Variants in OSTF1 observed in about 807,000 individuals in gnomAD.
OSTF1 encodes the protein osteoclast-stimulating factor 1.
OSTF1 carries 27 observed loss-of-function variants against 37.2 expected under a neutral mutation model. The ratio of observed to expected loss-of-function variants is 0.73; its 90% CI spans 0.54 to 1.00. OSTF1 has a LOEUF of 1.00. Ranked by LOEUF, OSTF1 falls within the 50% of genes least tolerant of loss-of-function variation. The probability of loss-of-function intolerance (pLI) is 0.00; values close to 1 mark genes in which losing one functional copy is unlikely to be tolerated. For synonymous variants in OSTF1, 82 were observed against 89.2 expected (o/e 0.92, Z 0.46); for missense variants, 232 against 253.8 (o/e 0.91, Z 0.58).
Position 75,131,764 on chromosome 9 carries a change from A to G in OSTF1, c.197-6A>G, listed in dbSNP as rs755417873. 1.2e-5 allele frequency: 19 copies of G among 1,612,204 alleles called. No homozygotes were observed. Among genetic ancestry groups the G allele is most frequent in the South Asian group, 2.2e-5 (2 of 91,034 alleles). Reference sequence around the variant, plus strand: ...ATTGGGTTAACACTTTTTATTTTCAATCTAGTGGCTGAGCAGGCAGAATCC... The same window carrying G: ...ATTGGGTTAACACTTTTTATTTTCAGTCTAGTGGCTGAGCAGGCAGAATCC... On this transcript the variant is annotated splice_region_variant and splice_polypyrimidine_tract_variant and intron_variant, in intron 4 of 9. Transcript: ENST00000346234.
chr9:75,131,509 GT>G (rs1825760793), intron 4 of OSTF1, among the ~76,000 whole-genome samples: 1 of 152,136 alleles, frequency 6.6e-6, no homozygotes, highest in South Asian at 2.1e-4. Flanking sequence ...GGGTTTGTTT[GT>G]TTTTGTTTAT....
chr9:75,100,151 A>G (rs1309707410), intron 1 of OSTF1, among the ~76,000 whole-genome samples: 1 of 152,224 alleles, frequency 6.6e-6, no homozygotes, highest in African/African-American at 2.4e-5. Flanking sequence ...TACAATTTAA[A>G]TGACCACTGC....
chr9:75,133,015 C>CG (rs1825788485), intron 5 of OSTF1, among the ~76,000 whole-genome samples: 1 of 140,550 alleles, frequency 7.1e-6, no homozygotes, highest in Non-Finnish European at 1.6e-5. Flanking sequence ...ACACACACCC[C>CG]TATATATTTT....
chr9:75,136,134 T>C (rs1385265961), intron 7 of OSTF1, among the ~76,000 whole-genome samples: 2 of 152,240 alleles, frequency 1.3e-5, no homozygotes, highest in Non-Finnish European at 2.9e-5. Context: ...GCCAGGAACC[T>C]TGGGGGCCAT....
Position 75,131,842 on chromosome 9 carries a change from G to T in OSTF1, c.250+19G>T. On this transcript the variant is annotated intron_variant, in intron 5 of 9. Transcript: ENST00000346234. Reference sequence around the variant, plus strand: ...AAAAGAGGTAGGTGTGATTCTTTTTGACTGAGGTATGCAGTACAGTAAAAG... The same window carrying T: ...AAAAGAGGTAGGTGTGATTCTTTTTTACTGAGGTATGCAGTACAGTAAAAG... The T allele has an allele frequency of 1.3e-6, 2 of 1,597,634 alleles. No homozygotes were observed. Among genetic ancestry groups the T allele is most frequent in the South Asian group, 2.2e-5 (2 of 90,662 alleles).
At chr9:75,110,624 A>G (rs887142481) in intron 1 of OSTF1, among the ~76,000 whole-genome samples, 1 of 152,210 alleles carries the variant, frequency 6.6e-6, no homozygotes, top group Non-Finnish European at 1.5e-5. Context: ...TATCTATTAC[A>G]GATGGCCAGG....
chr9:75,112,361 A>G (rs1201882741), intron 1 of OSTF1, among the ~76,000 whole-genome samples: 1 of 151,966 alleles, frequency 6.6e-6, no homozygotes, highest in East Asian at 1.9e-4. Context: ...TTCTTTATGC[A>G]TTTCTTTCAT....
At chr9:75,142,823 A>G (rs1003640019) in intron 9 of OSTF1, among the ~76,000 whole-genome samples, 3 of 152,114 alleles carry the variant, frequency 2.0e-5, no homozygotes, top group East Asian at 1.9e-4. Flanking sequence ...CATTTCCCCA[A>G]TTATACAGTT....
intron 1 of OSTF1, among the ~76,000 whole-genome samples, chr9:75,107,636 CCAAA>C (rs1367767969): frequency 6.6e-6 from 1 of 152,096 alleles, no homozygotes; most frequent in African/African-American, 2.4e-5. Context: ...GCAATGGCTC[CCAAA>C]CATTTTTTGA....
chr9:75,093,060 C>T (rs935077640), intron 1 of OSTF1, among the ~76,000 whole-genome samples: 16 of 134,930 alleles, frequency 1.2e-4, no homozygotes, highest in African/African-American at 3.7e-4. Flanking sequence ...CTCTTTCTTT[C>T]TTTCTTTTTT....
intron 2 of OSTF1, among the ~76,000 whole-genome samples, chr9:75,123,420 TCAAAAAAA>T (rs957373608): frequency 7.2e-5 from 11 of 151,990 alleles, no homozygotes; most frequent in African/African-American, 2.7e-4. Context: ...AGACTCCGTC[TCAAAAAAA>T]CAAAAAAACA....
At chr9:75,111,262 C>T (rs531257412) in intron 1 of OSTF1, among the ~76,000 whole-genome samples, 4 of 152,274 alleles carry the variant, frequency 2.6e-5, no homozygotes, top group Admixed American at 2.0e-4. Context: ...TTCTCTCTGC[C>T]TTTGCCCTGC....
At chr9:75,138,130 AACTG>A (rs942452356) in intron 8 of OSTF1, among the ~76,000 whole-genome samples, 2 of 152,136 alleles carry the variant, frequency 1.3e-5, no homozygotes, top group African/African-American at 2.4e-5. Context: ...TGAATTTATA[AACTG>A]ACTATCCCTT....
At position 75,137,555 on chromosome 9, in the gene OSTF1, A is replaced by G. The variant is rs773641090; in HGVS notation, c.426A>G (p.Thr142=). Residue 142 remains threonine, a synonymous_variant, in exon 8 of 10, where the codon ACA becomes ACG. Transcript: ENST00000346234. ...CACTATAGAACAAGTTGGGAGATAC[A>G]GCTTTGCATGCTGCTGCCTGGAAGG... ...ELNQQNKLGD[T]ALHAAAWKGY... is the part of the protein sequence containing the mutation. 1 of 1,611,256 alleles carries G rather than the reference A, an allele frequency of 6.2e-7. No homozygotes were observed. The highest frequency in any genetic ancestry group is 8.5e-7 in the Non-Finnish European group (1 of 1,177,386).
chr9:75,100,500 C>T (rs1004609704), intron 1 of OSTF1, among the ~76,000 whole-genome samples: 2 of 152,058 alleles, frequency 1.3e-5, no homozygotes, highest in Non-Finnish European at 2.9e-5. Flanking sequence ...GAGGCTGAAG[C>T]AGATGGATCA....
chr9:75,128,397 T>TCC, intron 3 of OSTF1, among the ~76,000 whole-genome samples: 1 of 99,574 alleles, frequency 1.0e-5, no homozygotes, highest in African/African-American at 4.0e-5. Context: ...TATATATATA[T>TCC]ATATATATAT....
rs912724111 is a variant in OSTF1 at position 75,088,518 on chromosome 9, G to C, written c.-175G>C. The C allele has an allele frequency of 6.1e-5, 42 of 683,214 alleles. No individual in the cohort carries two copies. The highest frequency in any genetic ancestry group is 1.0e-4 in the Non-Finnish European group (41 of 404,332). The allele number at this position is 683,214 out of a possible 1,614,324, so 42.3% of individuals were successfully genotyped here. On this transcript the variant is annotated 5_prime_UTR_variant, in exon 1 of 10. Transcript: ENST00000346234. ...GGCCGCGGGGCGGGGCGGAGCACTC[G>C]GCGGAGCCGCTCTGCCTGCGTCCGC...
intron 2 of OSTF1, among the ~76,000 whole-genome samples, chr9:75,119,318 A>C (rs911458382): frequency 2.0e-5 from 3 of 152,222 alleles, no homozygotes; most frequent in African/African-American, 7.2e-5. Context: ...GGGTGTGCAT[A>C]TTCAGACAGT....
chr9:75,142,942 CTTT>C (rs35793257), intron 9 of OSTF1, among the ~76,000 whole-genome samples: 2 of 141,602 alleles, frequency 1.4e-5, no homozygotes, highest in Non-Finnish European at 1.5e-5. Flanking sequence ...TTGTTGTCCA[CTTT>C]TTTTTTTTTT....
Sources: gnomAD v4.1 joint callset for allele counts (sites outside exome capture counted in the v4.1 genomes callset) on GRCh38, gnomAD v4.1.1 for gene constraint, MANE v1.5 for transcripts, NCBI Gene and HGNC (gene_info 2026-07-23, HGNC 2026-07-21) for gene names.